Variants in PTPRD observed in about 807,000 individuals in gnomAD.
PTPRD encodes the protein protein tyrosine phosphatase receptor type D, also known as receptor-type tyrosine-protein phosphatase delta.
In PTPRD, 34 loss-of-function variants were observed where a neutral mutation model predicts 214.5. That is an observed-to-expected ratio of 0.16 (90% CI 0.12 to 0.21). The LOEUF is 0.21. Ranked by LOEUF, PTPRD falls within the 10% of genes least tolerant of loss-of-function variation. The pLI is 1.00. For missense variants in PTPRD, 2,545 were observed against 2,398.7 expected, an observed-to-expected ratio of 1.06 and a Z score of -1.27; for synonymous variants, 1,128 against 845.7, an observed-to-expected ratio of 1.33 and a Z score of -5.79.
At chr9:8,874,305 G>T (rs1175790991) in intron 11 of PTPRD, among the ~76,000 whole-genome samples, 1 of 152,152 alleles carries the variant, frequency 6.6e-6, no homozygotes, top group Non-Finnish European at 1.5e-5. Flanking sequence ...AGATAGACCA[G>T]GACATTCTTT....
At chr9:9,324,682 G>A (rs1385285909) in intron 9 of PTPRD, among the ~76,000 whole-genome samples, 1 of 152,082 alleles carries the variant, frequency 6.6e-6, no homozygotes, top group South Asian at 2.1e-4. Context: ...CTGTGCAGAA[G>A]CTCTTTAGTT....
chr9:9,483,741 C>T (rs1331503496), intron 8 of PTPRD, among the ~76,000 whole-genome samples: 1 of 150,816 alleles, frequency 6.6e-6, no homozygotes, highest in African/African-American at 2.4e-5. Flanking sequence ...TTCCTGGGCT[C>T]ATGGTGTTAC....
chr9:10,328,901 C>A (rs1351153742), intron 3 of PTPRD, among the ~76,000 whole-genome samples: 1 of 151,708 alleles, frequency 6.6e-6, no homozygotes, highest in Non-Finnish European at 1.5e-5. Context: ...TTCTTTCGCA[C>A]CTTTGTTAAC....
intron 5 of PTPRD, among the ~76,000 whole-genome samples, chr9:9,914,697 G>C (rs1417819452): frequency 7.3e-5 from 11 of 151,002 alleles, no homozygotes; most frequent in Non-Finnish European, 1.6e-4. Context: ...TGTATTCTGA[G>C]CTTGAAAAAC....
chr9:9,045,363 G>A (rs754888883), intron 10 of PTPRD, among the ~76,000 whole-genome samples: 2 of 152,104 alleles, frequency 1.3e-5, no homozygotes, highest in African/African-American at 4.8e-5. Context: ...CTTGAGTGTT[G>A]GCCATTACTG....
chr9:10,598,672 G>GTA (rs1491009738), intron 2 of PTPRD, among the ~76,000 whole-genome samples: 2 of 68,126 alleles, frequency 2.9e-5, no homozygotes, highest in Admixed American at 1.9e-4. Context: ...TTTTATATAT[G>GTA]TATGTGTGTG....
At chr9:8,922,665 G>A (rs1041410366) in intron 11 of PTPRD, among the ~76,000 whole-genome samples, 3 of 152,008 alleles carry the variant, frequency 2.0e-5, no homozygotes, top group Non-Finnish European at 4.4e-5. Context: ...ACAGAGTCTC[G>A]CTCTGTCCCT....
At chr9:9,110,353 C>T (rs1038620134) in intron 10 of PTPRD, among the ~76,000 whole-genome samples, 1 of 152,054 alleles carries the variant, frequency 6.6e-6, no homozygotes, top group Non-Finnish European at 1.5e-5. Context: ...ATTCTTGAGC[C>T]CCACCTCAGA....
intron 8 of PTPRD, among the ~76,000 whole-genome samples, chr9:9,398,858 G>C (rs1410381371): frequency 6.6e-6 from 1 of 151,934 alleles, no homozygotes; most frequent in Non-Finnish European, 1.5e-5. Flanking sequence ...CATCATCTTA[G>C]AAAAGAGAAC....
chr9:9,323,404 G>A (rs1967712439), intron 9 of PTPRD, among the ~76,000 whole-genome samples: 1 of 152,082 alleles, frequency 6.6e-6, no homozygotes, highest in South Asian at 2.1e-4. Flanking sequence ...CTAACCTTAA[G>A]GTTGAGAAAA....
intron 8 of PTPRD, among the ~76,000 whole-genome samples, chr9:9,407,571 T>G (rs1206052928): frequency 6.6e-6 from 1 of 151,884 alleles, no homozygotes; most frequent in East Asian, 1.9e-4. Flanking sequence ...CAAAATCTAT[T>G]TTTTTGAAAT....
At position 10,215,735 on chromosome 9, in the gene PTPRD, A is replaced by T. The variant is rs867803470; in HGVS notation, c.-545+125228T>A. ...GTTATTTGTAACAAACACTGGAAAC[A>T]ATCCAGTTGTCTGTCAAAACTGGAA... is the stretch of plus-strand genomic sequence containing the variant. On this transcript the variant is annotated intron_variant, in intron 3 of 45. Coordinates refer to ENST00000381196, the MANE Select transcript of PTPRD (RefSeq NM_002839.4). Among the ~76,000 whole-genome samples, 41 of 152,200 alleles carry T rather than the reference A, an allele frequency of 2.7e-4. 1 individual carries two copies. In the Middle Eastern group the frequency reaches 0.01, roughly 38 times the overall value.
intron 11 of PTPRD, among the ~76,000 whole-genome samples, chr9:8,851,273 A>G (rs2097805443): frequency 6.6e-6 from 1 of 152,134 alleles, no homozygotes. Context: ...TCTTCCCCCA[A>G]ACTGAAACTC....
intron 4 of PTPRD, among the ~76,000 whole-genome samples, chr9:9,980,613 AAAAAC>A (rs1455561467): frequency 2.0e-4 from 4 of 20,152 alleles, no homozygotes; most frequent in Non-Finnish European, 4.5e-4. Context: ...CTTGTCAAAA[AAAAAC>A]AAAAAAAAAA....
chr9:9,040,438 G>C (rs929890849), intron 10 of PTPRD, among the ~76,000 whole-genome samples: 1 of 152,116 alleles, frequency 6.6e-6, no homozygotes, highest in African/African-American at 2.4e-5. Context: ...GATTTTAAAG[G>C]TGTAGAATTT....
chr9:9,256,630 C>T (rs894101009), intron 9 of PTPRD, among the ~76,000 whole-genome samples: 1 of 151,918 alleles, frequency 6.6e-6, no homozygotes, highest in African/African-American at 2.4e-5. Context: ...TGTGTCCTAG[C>T]CTCGGTTCTT....
intron 39 of PTPRD, among the ~76,000 whole-genome samples, chr9:8,369,720 C>T (rs2080958876): frequency 1.3e-5 from 2 of 151,728 alleles, no homozygotes; most frequent in East Asian, 3.9e-4. Context: ...GAAAGTCTTC[C>T]TTTTGTCTTA....
chr9:8,533,558 CA>C (rs1284025129), intron 14 of PTPRD, among the ~76,000 whole-genome samples: 1 of 151,868 alleles, frequency 6.6e-6, no homozygotes, highest in African/African-American at 2.4e-5. Flanking sequence ...AACAAAAACA[CA>C]ATATGGATGA....
chr9:10,177,971 C>T (rs902090859), intron 3 of PTPRD, among the ~76,000 whole-genome samples: 1 of 151,882 alleles, frequency 6.6e-6, no homozygotes, highest in Non-Finnish European at 1.5e-5. Flanking sequence ...AGATAGGTGG[C>T]TAGTAAGAGC....
Sources: gnomAD v4.1 joint callset for allele counts (sites outside exome capture counted in the v4.1 genomes callset) on GRCh38, gnomAD v4.1.1 for gene constraint, MANE v1.5 for transcripts, NCBI Gene and HGNC (gene_info 2026-07-23, HGNC 2026-07-21) for gene names.